The following NPY1R variants were observed in gnomAD, a reference collection of about 807,000 sequenced individuals.
The protein encoded by NPY1R is neuropeptide Y receptor Y1.
A neutral mutation model predicts 24.1 loss-of-function variants in NPY1R; 10 were observed. The observed-to-expected ratio is 0.42, with a 90% CI of 0.26 to 0.71. NPY1R has a LOEUF of 0.71. Ranked by LOEUF, NPY1R falls within the 30% of genes least tolerant of loss-of-function variation. The pLI is 0.28. For synonymous variants in NPY1R, 168 were observed against 165.9 expected (o/e 1.01, Z -0.10); for missense variants, 350 against 458.0 (o/e 0.76, Z 2.15).
At position 163,324,142 on chromosome 4, in the gene NPY1R, A is replaced by G. The variant is rs1734549465; in HGVS notation, c.*1161T>C. 6.5e-6 allele frequency: 1 copy of G among 152,744 alleles called. No homozygotes were observed. Among genetic ancestry groups the G allele is most frequent in the African/African-American group, 2.4e-5 (1 of 41,574 alleles). 9.5% of individuals were successfully genotyped at this position (152,744 alleles called of 1,614,324 possible). On this transcript the variant is annotated 3_prime_UTR_variant, in exon 3 of 3. Transcript: ENST00000296533. The stretch of plus-strand genomic sequence containing the variant: ...GATACATGAAATTAGGCACATTAAC[A>G]TGACACAACTATTCAGTAATCTTTA...
At chr4:163,344,584 A>G (rs2110838102) in exon 1 of NPY1R, 1 of 152,338 alleles carries the variant, frequency 6.6e-6, no homozygotes, top group South Asian at 2.1e-4. Context: ...CGAGCCCGGG[A>G]GGCAGCTGCG....
At chr4:163,342,847 A>C (rs1043851265) in intron 1 of NPY1R, among the ~76,000 whole-genome samples, 11 of 152,154 alleles carry the variant, frequency 7.2e-5, no homozygotes, top group Non-Finnish European at 1.5e-4. Context: ...TGTCTGTTAC[A>C]TAATAGTTCT....
chr4:163,328,342 G>A (rs1291241594), intron 1 of NPY1R, among the ~76,000 whole-genome samples: 1 of 152,174 alleles, frequency 6.6e-6, no homozygotes, highest in Non-Finnish European at 1.5e-5. Flanking sequence ...GCGATTGTCA[G>A]AGTTTGAAAA....
chr4:163,344,688 AT>A (rs1223759176), exon 1 of NPY1R: 1 of 152,252 alleles, frequency 6.6e-6, no homozygotes, highest in Non-Finnish European at 1.5e-5. Context: ...AGAAACGGGA[AT>A]TCTTTTTTCC....
At position 163,325,967 on chromosome 4, in the gene NPY1R, G is replaced by T; in HGVS notation, c.588C>A (p.Tyr196Ter). The change falls in exon 2 of 3, where the codon TAC (tyrosine) becomes TAA (stop). Residue 196 changes from tyrosine (Y) to a stop codon, truncating the protein, a stop_gained. Transcript: ENST00000296533. LOFTEE classifies it high-confidence loss of function. ...NVTLDAYKDK[Y>*]VCFDQFPSDS... ...CCGATGGAAATTGATCAAAGCACAC[G>T]TATTTGTCTTTGTACGCATCAAGTG... 6.2e-7 allele frequency: 1 copy of T among 1,613,820 alleles called. No homozygotes were observed.
At chr4:163,338,690 A>T (rs1024574277) in intron 1 of NPY1R, among the ~76,000 whole-genome samples, 2 of 152,130 alleles carry the variant, frequency 1.3e-5, no homozygotes, top group Non-Finnish European at 2.9e-5. Flanking sequence ...CAGAGATCCC[A>T]ATCTTAATCT....
chr4:163,343,018 A>ACGCG (rs33912404), intron 1 of NPY1R, among the ~76,000 whole-genome samples: 46 of 135,018 alleles, frequency 3.4e-4, no homozygotes, highest in African/African-American at 8.3e-4. Context: ...ACACACACAC[A>ACGCG]CGCGCGCGCG....
At chr4:163,334,861 GAAA>G (rs545497813), upstream of NPY1R, among the ~76,000 whole-genome samples, 96 of 66,912 alleles carry the variant, frequency 1.4e-3, no homozygotes, top group Non-Finnish European at 2.6e-3. Context: ...CTCTGTTTTG[GAAA>G]AAAAAAAAAA....
chr4:163,327,262 G>A (rs571035819), intron 1 of NPY1R, among the ~76,000 whole-genome samples: 10 of 152,098 alleles, frequency 6.6e-5, no homozygotes, highest in Non-Finnish European at 1.5e-4. Context: ...AAAAAACTTT[G>A]CCATGAATGA....
rs201792729 is a variant in NPY1R, at chr4:163,325,749, G to C, written c.709C>G (p.Arg237Gly). Residue 237 changes from arginine (R) to glycine (G), a missense_variant, in exon 3 of 3, where the codon CGC (arginine) becomes GGC (glycine). Physicochemically the swap from Arg to Gly is moderately radical, Grantham distance 125. Coordinates refer to ENST00000296533, the MANE Select transcript of NPY1R (RefSeq NM_000909.6). ...ATCATGTTGTTTCTCCTTTTTAGGC[G>C]TATATATATCTATGGAAGAAAAAAG... ...IFICYFKIYIRLKRRNNMMDK... is the reference protein window; with the variant it reads ...IFICYFKIYIGLKRRNNMMDK... The C allele has an allele frequency of 6.3e-7, 1 of 1,588,564 alleles. No homozygotes were observed. The highest frequency in any genetic ancestry group is 1.1e-5 in the South Asian group (1 of 89,720).
Position 163,325,269 on chromosome 4 carries a change from A to C in NPY1R, c.*34T>G. The C allele has an allele frequency of 6.8e-7, 1 of 1,466,814 alleles. No homozygotes were observed. The highest frequency in any genetic ancestry group is 9.3e-7 in the Non-Finnish European group (1 of 1,070,758). The allele number at this position is 1,466,814 out of a possible 1,614,324, so 90.9% of individuals were successfully genotyped here. A position where few individuals can be genotyped will look rare whatever the true frequency, so the allele number is the denominator to read the frequency against. On this transcript the variant is annotated 3_prime_UTR_variant, in exon 3 of 3. Transcript: ENST00000296533. The stretch of plus-strand genomic sequence containing the variant: ...TTGCAGGTTGTGCTTGTTTTTAAAC[A>C]GATGTCATCCGGGACCATAGGCTAT...
At position 163,324,340 on chromosome 4, in the gene NPY1R, T is replaced by C. The variant is rs1467048633; in HGVS notation, c.*963A>G. On this transcript the variant is annotated 3_prime_UTR_variant, in exon 3 of 3. Transcript: ENST00000296533. The stretch of plus-strand genomic sequence containing the variant: ...AAAGATGGACATTGAAAGTTAAAAA[T>C]CAGTCACTATATAGGCACTGCTGTA... 6.6e-6 allele frequency: 1 copy of C among 152,616 alleles called. No homozygotes were observed. The highest frequency in any genetic ancestry group is 2.4e-5 in the African/African-American group (1 of 41,458). 9.5% of individuals were successfully genotyped at this position (152,616 alleles called of 1,614,324 possible). A position where few individuals can be genotyped will look rare whatever the true frequency, so the allele number is the denominator to read the frequency against.
chr4:163,339,229 A>G (rs1734918533), intron 1 of NPY1R, among the ~76,000 whole-genome samples: 1 of 152,138 alleles, frequency 6.6e-6, no homozygotes. Flanking sequence ...TCTCACCTTC[A>G]TGCTATTACA....
upstream of NPY1R, among the ~76,000 whole-genome samples, chr4:163,336,797 C>A (rs1156879879): frequency 6.6e-6 from 1 of 152,106 alleles, no homozygotes; most frequent in Non-Finnish European, 1.5e-5. Flanking sequence ...CCTGTCTCTA[C>A]TAAAAATATA....
chr4:163,330,371 A>C (rs574178930), intron 1 of NPY1R, among the ~76,000 whole-genome samples: 1 of 152,320 alleles, frequency 6.6e-6, no homozygotes, highest in East Asian at 1.9e-4. Flanking sequence ...AGAAAATGAA[A>C]AGTTTATTTT....
chr4:163,342,469 A>G (rs573363210), intron 1 of NPY1R, among the ~76,000 whole-genome samples: 1 of 152,212 alleles, frequency 6.6e-6, no homozygotes, highest in Non-Finnish European at 1.5e-5. Context: ...TCCCTTCTTG[A>G]CACTTTCATC....
At chr4:163,343,040 T>C (rs1735045155) in intron 1 of NPY1R, among the ~76,000 whole-genome samples, 1 of 143,636 alleles carries the variant, frequency 7.0e-6, no homozygotes, top group South Asian at 2.4e-4. Context: ...CTAAAGTACC[T>C]GCCACCTAAT....
Position 163,323,971 on chromosome 4 carries a change from G to A in NPY1R, c.*1332C>T, listed in dbSNP as rs1369101963. 6.6e-6 allele frequency: 1 copy of A among 152,134 alleles called. No individual in the cohort carries two copies. Among genetic ancestry groups the A allele is most frequent in the African/African-American group, 2.4e-5 (1 of 41,424 alleles). The allele number at this position is 152,134 out of a possible 1,614,324, so 9.4% of individuals were successfully genotyped here. On this transcript the variant is annotated 3_prime_UTR_variant, in exon 3 of 3. Coordinates refer to ENST00000296533, the MANE Select transcript of NPY1R (RefSeq NM_000909.6). ...AACTGAAAGAGACTCCTCAGAAAAA[G>A]CAAAAACAATATTGATTTTAATAAA...
At chr4:163,334,161 A>G (rs903378443), upstream of NPY1R, among the ~76,000 whole-genome samples, 7 of 152,206 alleles carry the variant, frequency 4.6e-5, no homozygotes, top group African/African-American at 1.4e-4. Flanking sequence ...TTCTGTTCTT[A>G]GAAGGAAGTT....
Sources: allele counts gnomAD v4.1 joint callset (sites outside exome capture counted in the v4.1 genomes callset), GRCh38; gene constraint gnomAD v4.1.1; transcripts MANE v1.5; gene names NCBI Gene and HGNC (gene_info 2026-07-23, HGNC 2026-07-21).